NHSL1: variants seen among roughly 807,000 people sequenced by gnomAD.
The protein encoded by NHSL1 is NHS-like protein 1.
NHSL1 carries 48 observed loss-of-function variants against 95.0 expected under a neutral mutation model. The observed-to-expected ratio is 0.51, with a 90% CI of 0.40 to 0.64. The LOEUF is 0.64. NHSL1 is among the 30% of genes least tolerant of loss of function. The pLI is 0.00. For missense variants in NHSL1, 1,971 were observed against 2,077.7 expected, an observed-to-expected ratio of 0.95 and a Z score of 1.00; for synonymous variants, 783 against 833.9, an observed-to-expected ratio of 0.94 and a Z score of 1.05.
intron 3 of NHSL1, among the ~76,000 whole-genome samples, chr6:138,456,156 T>A (rs1396032052): frequency 6.6e-6 from 1 of 152,134 alleles, no homozygotes; most frequent in Non-Finnish European, 1.5e-5. Flanking sequence ...GGGGTGCAAT[T>A]AATAATTACA....
At chr6:138,666,333 G>C (rs1583472256) in intron 1 of NHSL1, among the ~76,000 whole-genome samples, 2 of 152,202 alleles carry the variant, frequency 1.3e-5, no homozygotes, top group South Asian at 4.2e-4. Flanking sequence ...AGGCGCGGTG[G>C]CTCCCGCCTG....
chr6:138,435,666 G>A (rs746059595), intron 5 of NHSL1, among the ~76,000 whole-genome samples: 8 of 151,538 alleles, frequency 5.3e-5, no homozygotes, highest in Non-Finnish European at 8.8e-5. Context: ...AGATGCATAC[G>A]TCGTTTTACT....
chr6:138,559,261 C>T (rs2128338828), intron 1 of NHSL1, among the ~76,000 whole-genome samples: 1 of 152,276 alleles, frequency 6.6e-6, no homozygotes, highest in South Asian at 2.1e-4. Context: ...AGAAACTGGC[C>T]AGACATTGCT....
At chr6:138,561,510 C>G (rs976685787) in intron 1 of NHSL1, among the ~76,000 whole-genome samples, 3 of 152,220 alleles carry the variant, frequency 2.0e-5, no homozygotes, top group African/African-American at 7.2e-5. Context: ...TGAGCTCCCA[C>G]TCTAGGAAAC....
intron 1 of NHSL1, among the ~76,000 whole-genome samples, chr6:138,514,095 T>C (rs559608218): frequency 6.6e-6 from 1 of 152,118 alleles, no homozygotes; most frequent in African/African-American, 2.4e-5. Context: ...GGCGGGCGGA[T>C]CACCTGAGGT....
At chr6:138,501,936 A>AT (rs535666514), upstream of NHSL1, among the ~76,000 whole-genome samples, 17 of 152,086 alleles carry the variant, frequency 1.1e-4, no homozygotes, top group African/African-American at 2.2e-4. Flanking sequence ...AAAAATATGT[A>AT]TTTTTTTTAT....
intron 1 of NHSL1, among the ~76,000 whole-genome samples, chr6:138,678,832 TGTAA>T (rs773804854): frequency 9.2e-5 from 14 of 152,226 alleles, no homozygotes; most frequent in South Asian, 2.1e-4. Flanking sequence ...AATGTTATCC[TGTAA>T]GTGTTACTAT....
At chr6:138,669,242 C>A (rs1785333478) in intron 1 of NHSL1, among the ~76,000 whole-genome samples, 1 of 152,020 alleles carries the variant, frequency 6.6e-6, no homozygotes, top group Admixed American at 6.5e-5. Context: ...CCTCTCAAAG[C>A]CCTACTGAAA....
intron 1 of NHSL1, among the ~76,000 whole-genome samples, chr6:138,522,317 G>T (rs1284172459): frequency 6.6e-6 from 1 of 152,194 alleles, no homozygotes; most frequent in Non-Finnish European, 1.5e-5. Context: ...TTTGGAGCCT[G>T]GGCAACATAG....
intron 1 of NHSL1, among the ~76,000 whole-genome samples, chr6:138,687,966 T>G (rs12524823): frequency 0.26 from 39,059 of 151,796 alleles, 5,500 homozygotes; most frequent in South Asian, 0.43. Context: ...TTTTTTTTTT[T>G]GGGGACACAG....
chr6:138,511,712 G>C (rs1001213016), intron 1 of NHSL1, among the ~76,000 whole-genome samples: 1 of 152,184 alleles, frequency 6.6e-6, no homozygotes, highest in African/African-American at 2.4e-5. Flanking sequence ...AAGATGGGCA[G>C]ATCACTTGAG....
upstream of NHSL1, among the ~76,000 whole-genome samples, chr6:138,549,955 G>A (rs760013600): frequency 1.2e-4 from 18 of 151,956 alleles, no homozygotes; most frequent in Non-Finnish European, 2.1e-4. Context: ...AAAATCCCTT[G>A]TGGGCCGGGC....
chr6:138,545,060 G>A (rs182513613), intron 1 of NHSL1, among the ~76,000 whole-genome samples: 46 of 137,448 alleles, frequency 3.3e-4, no homozygotes, highest in African/African-American at 1.0e-3. Flanking sequence ...GCGCGATCTC[G>A]GCTCACTGCA....
chr6:138,607,653 C>T (rs1784452459), intron 1 of NHSL1, among the ~76,000 whole-genome samples: 1 of 152,188 alleles, frequency 6.6e-6, no homozygotes, highest in Non-Finnish European at 1.5e-5. Flanking sequence ...AGAACAAAAG[C>T]TGTGGCCAAT....
At chr6:138,570,021 GC>G (rs1363683433) in intron 1 of NHSL1, among the ~76,000 whole-genome samples, 4 of 152,148 alleles carry the variant, frequency 2.6e-5, no homozygotes, top group African/African-American at 4.8e-5. Context: ...TTCACAAGTT[GC>G]CCCTGTCCTT....
intron 1 of NHSL1, among the ~76,000 whole-genome samples, chr6:138,583,631 A>T (rs1187480490): frequency 6.6e-6 from 1 of 152,204 alleles, no homozygotes. Flanking sequence ...GGCATACAGT[A>T]AGCACTAAAC....
In NHSL1 at chr6:138,499,427, CCAGG is replaced by C; in HGVS notation, c.-141_-138del. 6.9e-7 allele frequency: 1 copy of C among 1,441,618 alleles called. No individual in the cohort carries two copies. The highest frequency in any genetic ancestry group is 9.2e-7 in the Non-Finnish European group (1 of 1,091,404). The allele number at this position is 1,441,618 out of a possible 1,614,324, so 89.3% of individuals were successfully genotyped here. A position where few individuals can be genotyped will look rare whatever the true frequency, so the allele number is the denominator to read the frequency against. On this transcript the variant is annotated 5_prime_UTR_variant, in exon 1 of 8. An upstream open reading frame in the 5' UTR loses its in-frame stop. Coordinates refer to ENST00000343505, the MANE Select transcript of NHSL1 (RefSeq NM_001144060.2). Reference sequence around the variant, plus strand: ...CGGTCTCATATCCTTAGACATCTGCCCAGGCTGATGTAACTGAGGTTGAGTTTAT... The same window carrying C: ...CGGTCTCATATCCTTAGACATCTGCCCTGATGTAACTGAGGTTGAGTTTAT...
chr6:138,496,631 A>G (rs1189842589), intron 1 of NHSL1, among the ~76,000 whole-genome samples: 1 of 152,220 alleles, frequency 6.6e-6, no homozygotes, highest in African/African-American at 2.4e-5. Context: ...GCTTCCCAGC[A>G]TTTTAGGTCC....
intron 1 of NHSL1, among the ~76,000 whole-genome samples, chr6:138,527,337 C>T (rs1435194597): frequency 2.0e-5 from 3 of 151,918 alleles, no homozygotes; most frequent in Non-Finnish European, 4.4e-5. Flanking sequence ...TCACAAACTG[C>T]AGTCTGGGAA....
Sources: gnomAD v4.1 joint callset for allele counts (sites outside exome capture counted in the v4.1 genomes callset) on GRCh38, gnomAD v4.1.1 for gene constraint, MANE v1.5 for transcripts, NCBI Gene and HGNC (gene_info 2026-07-23, HGNC 2026-07-21) for gene names.